Variants in MRPL48 observed in about 807,000 individuals in gnomAD.
MRPL48 encodes mitochondrial ribosomal protein L48.
MRPL48 carries 16 observed loss-of-function variants against 32.9 expected under a neutral mutation model. That is an observed-to-expected ratio of 0.49 (90% confidence interval 0.33 to 0.74). MRPL48 has a LOEUF of 0.74. Ranked by LOEUF, MRPL48 falls within the 30% of genes least tolerant of loss-of-function variation. The pLI is 0.02. For missense variants in MRPL48, 206 were observed against 245.3 expected (o/e 0.84, Z 1.07); for synonymous variants, 94 against 89.2 (o/e 1.05, Z -0.31).
intron 5 of MRPL48, among the ~76,000 whole-genome samples, chr11:73,854,993 T>C (rs1283934134): frequency 6.6e-6 from 1 of 152,172 alleles, no homozygotes; most frequent in Non-Finnish European, 1.5e-5. Flanking sequence ...ATGGGGTTAC[T>C]AAAAGCACCT....
chr11:73,788,459 T>C (rs1947085716), intron 1 of MRPL48, among the ~76,000 whole-genome samples: 1 of 150,766 alleles, frequency 6.6e-6, no homozygotes, highest in Non-Finnish European at 1.5e-5. Context: ...ACTAGGTTTT[T>C]GTTCTTTTCT....
intron 3 of MRPL48, chr11:73,817,786 A>G (rs1194383298): frequency 1.1e-5 from 4 of 377,932 alleles, no homozygotes; most frequent in African/African-American, 4.3e-5. Flanking sequence ...TCTTTCAGAT[A>G]TTTATTTTTG....
chr11:73,793,597 G>A (rs1947191771), intron 1 of MRPL48, among the ~76,000 whole-genome samples: 1 of 152,152 alleles, frequency 6.6e-6, no homozygotes, highest in African/African-American at 2.4e-5. Flanking sequence ...ATGTGTAAAG[G>A]TCCTGAAATG....
chr11:73,818,592 G>C (rs1947716575), intron 3 of MRPL48, among the ~76,000 whole-genome samples: 2 of 152,354 alleles, frequency 1.3e-5, no homozygotes, highest in South Asian at 4.1e-4. Context: ...AGCACATACT[G>C]TTTGCCAGGT....
intron 2 of MRPL48, among the ~76,000 whole-genome samples, chr11:73,806,662 T>C (rs1947459460): frequency 6.6e-6 from 1 of 152,138 alleles, no homozygotes; most frequent in Admixed American, 6.6e-5. Context: ...AGGCATTTAA[T>C]AAATATTTGT....
chr11:73,801,054 G>T, intron 1 of MRPL48, among the ~76,000 whole-genome samples: 1 of 151,914 alleles, frequency 6.6e-6, no homozygotes. Context: ...CAGGTGATCC[G>T]CCCACCTCGG....
intron 5 of MRPL48, among the ~76,000 whole-genome samples, chr11:73,851,960 A>C (rs1279744950): frequency 3.3e-5 from 5 of 152,014 alleles, no homozygotes; most frequent in Admixed American, 2.6e-4. Flanking sequence ...GCACACATAC[A>C]TGCATGTACA....
chr11:73,805,002 T>C, intron 1 of MRPL48, 25 bp from the exon 2 acceptor site: 1 of 1,576,866 alleles, frequency 6.3e-7, no homozygotes, highest in Non-Finnish European at 8.6e-7. Context: ...CTTAAGATTG[T>C]CCTAACATGG....
Position 73,864,494 on chromosome 11 carries a change from C to G in MRPL48, c.*124C>G. On this transcript the variant is annotated 3_prime_UTR_variant, in exon 8 of 8. Transcript: ENST00000310614. ...TTTCATAAGTACCCATTCCCATAGC[C>G]AGTAATGTCCTCACTCCTCTGTGGC... The G allele has an allele frequency of 2.2e-6, 2 of 892,458 alleles. No homozygotes were observed. Among genetic ancestry groups the G allele is most frequent in the Non-Finnish European group, 3.6e-6 (2 of 562,448 alleles). The allele number at this position is 892,458 out of a possible 1,614,324, so 55.3% of individuals were successfully genotyped here.
intron 5 of MRPL48, among the ~76,000 whole-genome samples, chr11:73,846,530 A>G (rs1948290926): frequency 6.7e-6 from 1 of 150,280 alleles, no homozygotes; most frequent in Non-Finnish European, 1.5e-5. Flanking sequence ...TAATTTTTGT[A>G]TTTTTAATAG....
At chr11:73,788,468 CTTTCTT>C (rs1309658080) in intron 1 of MRPL48, among the ~76,000 whole-genome samples, 2 of 130,856 alleles carry the variant, frequency 1.5e-5, no homozygotes, top group African/African-American at 2.9e-5. Flanking sequence ...TTGTTCTTTT[CTTTCTT>C]TTTTTTTTTT....
intron 3 of MRPL48, among the ~76,000 whole-genome samples, chr11:73,809,492 A>C (rs930055371): frequency 1.4e-5 from 2 of 147,306 alleles, no homozygotes; most frequent in African/African-American, 5.1e-5. Flanking sequence ...CGACAGAGCG[A>C]GACTCCGTCT....
intron 3 of MRPL48, among the ~76,000 whole-genome samples, chr11:73,825,258 C>T (rs187635330): frequency 6.8e-6 from 1 of 147,938 alleles, no homozygotes; most frequent in Admixed American, 6.8e-5. Flanking sequence ...TTTTAAAAAT[C>T]CTTACTGTTA....
intron 3 of MRPL48, among the ~76,000 whole-genome samples, chr11:73,824,135 T>C (rs1272621177): frequency 6.6e-6 from 1 of 151,146 alleles, no homozygotes; most frequent in East Asian, 2.0e-4. Context: ...ATTACAGCCA[T>C]GAGCCACCGC....
At chr11:73,846,458 T>A (rs1948289053) in intron 5 of MRPL48, among the ~76,000 whole-genome samples, 1 of 151,762 alleles carries the variant, frequency 6.6e-6, no homozygotes, top group South Asian at 2.1e-4. Context: ...CTGCCTCAAG[T>A]GATTCTTCTG....
At chr11:73,808,422 A>G (rs1947499394) in intron 3 of MRPL48, 72 bp downstream of exon 3, 3 of 1,456,402 alleles carry the variant, frequency 2.1e-6, no homozygotes, top group African/African-American at 1.4e-5. Context: ...AATTTTGCCT[A>G]GAAGGAAGCC....
chr11:73,804,456 T>C (rs540047427), intron 1 of MRPL48, among the ~76,000 whole-genome samples: 18 of 151,400 alleles, frequency 1.2e-4, no homozygotes, highest in Non-Finnish European at 1.5e-4. Context: ...TTTGTAATTT[T>C]AGTAGAGACA....
At chr11:73,858,283 G>T (rs551223810) in intron 5 of MRPL48, among the ~76,000 whole-genome samples, 102 of 152,312 alleles carry the variant, frequency 6.7e-4, no homozygotes, top group Admixed American at 5.9e-4. Flanking sequence ...GCAATATCTT[G>T]CATTTACTGA....
chr11:73,815,891 TA>T lies in MRPL48; in HGVS notation c.112+7542del, dbSNP rs1367913712. ...GGCCTGTGCCACCATGCTTGACTTTTATTTTTTTTTTTTTTATAGAGACAGG... is the reference window on the plus strand; with the variant it reads ...GGCCTGTGCCACCATGCTTGACTTTTTTTTTTTTTTTTTTATAGAGACAGG... On this transcript the variant is annotated intron_variant, in intron 3 of 7. Coordinates refer to ENST00000310614, the MANE Select transcript of MRPL48 (RefSeq NM_016055.6). Among the ~76,000 whole-genome samples, 10 of 145,434 alleles carry T rather than the reference TA, an allele frequency of 6.9e-5. No homozygotes were observed. In the East Asian group the frequency reaches 1.0e-3, roughly 15 times the overall value.
Sources: gnomAD v4.1 joint callset for allele counts (sites outside exome capture counted in the v4.1 genomes callset) on GRCh38, gnomAD v4.1.1 for gene constraint, MANE v1.5 for transcripts, NCBI Gene and HGNC (gene_info 2026-07-23, HGNC 2026-07-21) for gene names.